The following AATF variants were observed in gnomAD, a reference collection of about 807,000 sequenced individuals.
AATF encodes the protein apoptosis antagonizing transcription factor.
A neutral mutation model predicts 63.7 loss-of-function variants in AATF; 48 were observed. The observed-to-expected ratio is 0.75, with a 90% CI of 0.60 to 0.96. The LOEUF (loss-of-function observed/expected upper bound fraction) is 0.96, where lower values mean the gene tolerates loss of function less well. AATF is among the 40% of genes least tolerant of loss of function. The probability of loss-of-function intolerance (pLI) is 0.00; values close to 1 mark genes in which losing one functional copy is unlikely to be tolerated. For synonymous variants in AATF, 258 were observed against 247.7 expected (o/e 1.04, Z -0.39); for missense variants, 639 against 685.7 (o/e 0.93, Z 0.76).
chr17:37,012,994 G>A (rs544292826), intron 8 of AATF, among the ~76,000 whole-genome samples: 61 of 152,162 alleles, frequency 4.0e-4, no homozygotes, highest in Non-Finnish European at 7.4e-4. Context: ...AGAAAAAATT[G>A]GACTGTATCA....
chr17:36,999,561 G>A (rs2071278804), intron 8 of AATF, among the ~76,000 whole-genome samples: 1 of 152,154 alleles, frequency 6.6e-6, no homozygotes, highest in Non-Finnish European at 1.5e-5. Context: ...CTCTGTTAGA[G>A]GCTGGAAGAA....
chr17:36,953,629 A>C, intron 3 of AATF, 141 bp from the exon 4 acceptor site: 1 of 820,194 alleles, frequency 1.2e-6, no homozygotes, highest in Non-Finnish European at 1.9e-6. Flanking sequence ...TCTAATAGAG[A>C]ATATTTGTTT....
intron 2 of AATF, among the ~76,000 whole-genome samples, chr17:36,950,628 T>G (rs1049117529): frequency 2.0e-5 from 3 of 152,042 alleles, no homozygotes; most frequent in Non-Finnish European, 4.4e-5. Flanking sequence ...GCCTCCCGAG[T>G]AGCTGGGATT....
intron 11 of AATF, among the ~76,000 whole-genome samples, chr17:37,049,970 C>G (rs2071733434): frequency 6.6e-6 from 1 of 152,078 alleles, no homozygotes; most frequent in Admixed American, 6.6e-5. Context: ...GGAGACCTTG[C>G]TTTTGGAGCT....
intron 11 of AATF, among the ~76,000 whole-genome samples, chr17:37,032,329 T>G (rs1267206781): frequency 6.6e-6 from 1 of 152,204 alleles, no homozygotes. Flanking sequence ...GAGTTATGTT[T>G]ATTTTGATAT....
At chr17:37,049,600 G>A (rs2071728633) in intron 11 of AATF, among the ~76,000 whole-genome samples, 1 of 144,578 alleles carries the variant, frequency 6.9e-6, no homozygotes, top group Non-Finnish European at 1.5e-5. Flanking sequence ...GCGAGACTCC[G>A]TCTCAAAAAA....
chr17:37,001,245 G>A (rs2071291972), intron 8 of AATF, among the ~76,000 whole-genome samples: 1 of 151,624 alleles, frequency 6.6e-6, no homozygotes, highest in Non-Finnish European at 1.5e-5. Flanking sequence ...GCTTGAGGTT[G>A]GGAGGTTGAG....
intron 8 of AATF, 23 bp downstream of exon 8, chr17:36,990,880 T>G: frequency 6.7e-7 from 1 of 1,490,494 alleles, no homozygotes; most frequent in Non-Finnish European, 9.0e-7. Context: ...CACTCTCTTG[T>G]TACAAATCAT....
intron 8 of AATF, among the ~76,000 whole-genome samples, chr17:37,002,914 T>C: frequency 6.7e-6 from 1 of 149,658 alleles, no homozygotes; most frequent in South Asian, 2.1e-4. Flanking sequence ...TTTTTTTTTT[T>C]TTTTTTTTTT....
chr17:36,983,641 G>A (rs547123717), intron 4 of AATF, among the ~76,000 whole-genome samples: 1 of 152,146 alleles, frequency 6.6e-6, no homozygotes, highest in East Asian at 1.9e-4. Flanking sequence ...GTGAGCCACT[G>A]TGCCCAGACT....
At position 36,952,940 on chromosome 17, in the gene AATF, G is replaced by T; in HGVS notation, c.338G>T (p.Gly113Val). The stretch of plus-strand genomic sequence containing the variant: ...GGAGATGAAGATTCAGAGGGACTGG[G>T]TCTGGAGGAATATGATGAGGACGAC... ...GSGDEDSEGL[G>V]LEEYDEDDLG... The change falls in exon 3 of 12, where the codon GGT becomes GTT. Residue 113 changes from glycine (G) to valine (V), a missense_variant. Transcript: ENST00000619387. 6.2e-7 allele frequency: 1 copy of T among 1,614,148 alleles called. No homozygotes were observed. The highest frequency in any genetic ancestry group is 1.1e-5 in the South Asian group (1 of 91,074).
chr17:37,032,657 T>G (rs2071560776), intron 11 of AATF, among the ~76,000 whole-genome samples: 2 of 152,246 alleles, frequency 1.3e-5, no homozygotes, highest in South Asian at 4.1e-4. Flanking sequence ...AGACAGCCAC[T>G]TTTAACATCT....
At chr17:36,951,393 T>G (rs2070853862) in intron 2 of AATF, among the ~76,000 whole-genome samples, 1 of 152,150 alleles carries the variant, frequency 6.6e-6, no homozygotes, top group South Asian at 2.1e-4. Flanking sequence ...GCACTGAGTT[T>G]AGCTCTATAA....
At chr17:37,052,655 C>T (rs905474217) in intron 11 of AATF, 2 of 152,188 alleles carry the variant, frequency 1.3e-5, no homozygotes, top group African/African-American at 4.8e-5. Context: ...GCTGTCTGCC[C>T]CAGAGCAGGC....
chr17:37,007,263 C>T (rs1343532640), intron 8 of AATF, among the ~76,000 whole-genome samples: 1 of 152,006 alleles, frequency 6.6e-6, no homozygotes, highest in Non-Finnish European at 1.5e-5. Context: ...TCATAGCGCA[C>T]TGCAACCTCA....
At chr17:37,040,021 CT>C (rs199789309) in intron 11 of AATF, among the ~76,000 whole-genome samples, 1 of 152,128 alleles carries the variant, frequency 6.6e-6, no homozygotes, top group African/African-American at 2.4e-5. Flanking sequence ...TGTAAATCCT[CT>C]TTTTTTCCCA....
At chr17:36,972,615 T>C (rs998730852) in intron 4 of AATF, among the ~76,000 whole-genome samples, 19 of 152,252 alleles carry the variant, frequency 1.2e-4, no homozygotes, top group Non-Finnish European at 2.4e-4. Context: ...TGTGTGTGTA[T>C]AGAAAGTGTT....
chr17:36,988,615 TC>T lies in AATF; in HGVS notation c.1047del (p.Ser350AlafsTer44). Reference sequence around the variant, plus strand: ...AGAGGAAGCTGGAGATGGAGGACTATCCCAGCTTCATGGCAAAGCGCTTTGC... The same window carrying T: ...AGAGGAAGCTGGAGATGGAGGACTATCCAGCTTCATGGCAAAGCGCTTTGC... ...AKRKLEMEDY[P>X]SFMAKRFADF... On this transcript the variant is annotated frameshift_variant, in exon 6 of 12. Transcript: ENST00000619387. LOFTEE classifies it high-confidence loss of function. The T allele has an allele frequency of 6.2e-7, 1 of 1,614,136 alleles. No individual in the cohort carries two copies.
At chr17:37,038,024 G>T (rs184061992) in intron 11 of AATF, among the ~76,000 whole-genome samples, 110 of 152,248 alleles carry the variant, frequency 7.2e-4, no homozygotes, top group Non-Finnish European at 8.5e-4. Flanking sequence ...CAGATGCCTG[G>T]TTCATGCTTC....
Sources: allele counts gnomAD v4.1 joint callset (sites outside exome capture counted in the v4.1 genomes callset), GRCh38; gene constraint gnomAD v4.1.1; transcripts MANE v1.5; gene names NCBI Gene and HGNC (gene_info 2026-07-23, HGNC 2026-07-21).